The following PCED1B variants were observed in gnomAD, a reference collection of about 807,000 sequenced individuals.
PCED1B encodes PC-esterase domain containing 1B, also known as PC-esterase domain-containing protein 1B.
For synonymous variants in PCED1B, 251 were observed against 246.1 expected, an observed-to-expected ratio of 1.02 and a Z score of -0.19; for missense variants, 573 against 573.9, an observed-to-expected ratio of 1.00 and a Z score of 0.02.
chr12:47,103,096 C>G (rs375266244), intron 1 of PCED1B, among the ~76,000 whole-genome samples: 1 of 151,888 alleles, frequency 6.6e-6, no homozygotes. Context: ...AAACCAAGAA[C>G]AGAGTTTTAA....
chr12:47,177,423 C>G (rs1431078386), intron 2 of PCED1B, among the ~76,000 whole-genome samples: 1 of 152,154 alleles, frequency 6.6e-6, no homozygotes, highest in African/African-American at 2.4e-5. Flanking sequence ...CACATTCACC[C>G]CATTCCTCAC....
intron 2 of PCED1B, among the ~76,000 whole-genome samples, chr12:47,187,547 C>T (rs181003319): frequency 3.9e-5 from 6 of 152,212 alleles, no homozygotes; most frequent in Admixed American, 1.3e-4. Flanking sequence ...AAAGTGTAAA[C>T]AGTTAAATCC....
At chr12:47,166,426 G>A (rs1020525221) in intron 2 of PCED1B, among the ~76,000 whole-genome samples, 1 of 152,086 alleles carries the variant, frequency 6.6e-6, no homozygotes, top group Non-Finnish European at 1.5e-5. Context: ...AACTGGCTTT[G>A]TTTTTCTTTA....
Position 47,217,419 on chromosome 12 carries a change from C to G in PCED1B, c.-58+730C>G, listed in dbSNP as rs11183804. 3.6e-3 allele frequency among the ~76,000 whole-genome samples: 310 copies of G among 86,638 alleles called. 4 individuals are homozygous for G. Among genetic ancestry groups the G allele is most frequent in the Middle Eastern group, 0.016 (2 of 126 alleles). 56.8% of individuals were successfully genotyped at this position (86,638 alleles called of 152,430 possible). On this transcript the variant is annotated intron_variant, in intron 3 of 3. Coordinates refer to ENST00000546455, the MANE Select transcript of PCED1B (RefSeq NM_138371.3). ...AAAGAAACAGAGAGAGAGAGAGAGA[C>G]AGAGAAAGAAGAAAAAAAAAGAAAG...
intron 2 of PCED1B, among the ~76,000 whole-genome samples, chr12:47,183,558 C>G (rs1194992337): frequency 6.6e-6 from 1 of 152,122 alleles, no homozygotes; most frequent in East Asian, 1.9e-4. Context: ...TTAACCAGCA[C>G]TTCCCAAATA....
intron 2 of PCED1B, among the ~76,000 whole-genome samples, chr12:47,157,660 T>C (rs141761133): frequency 3.6e-4 from 55 of 152,314 alleles, no homozygotes; most frequent in African/African-American, 1.1e-3. Flanking sequence ...AAATGTATCA[T>C]CTTAACCATT....
rs117274345 is a variant in PCED1B at position 47,116,749 on chromosome 12, A to G, written c.-526+12554A>G. Among the ~76,000 whole-genome samples, 22 of 152,294 alleles carry G rather than the reference A, an allele frequency of 1.4e-4. No individual in the cohort carries two copies. In the East Asian group the frequency reaches 3.9e-3, roughly 27 times the overall value. ...TTTAATTTTTTCTTTATTCAGAACA[A>G]CATTAAGTAGCAAATAAAAAATACC... On this transcript the variant is annotated intron_variant, in intron 2 of 3. Coordinates refer to ENST00000546455, the MANE Select transcript of PCED1B (RefSeq NM_138371.3).
chr12:47,169,592 G>A (rs1332274569), intron 2 of PCED1B, among the ~76,000 whole-genome samples: 4 of 151,942 alleles, frequency 2.6e-5, no homozygotes, highest in Admixed American at 6.6e-5. Flanking sequence ...GACATATATC[G>A]TATATATTTC....
At chr12:47,168,571 TCTAATTTC>T (rs1438980160) in intron 2 of PCED1B, among the ~76,000 whole-genome samples, 7 of 152,164 alleles carry the variant, frequency 4.6e-5, no homozygotes, top group Non-Finnish European at 1.0e-4. Flanking sequence ...GTTTTCTTTT[TCTAATTTC>T]CTAAAGATGA....
intron 2 of PCED1B, among the ~76,000 whole-genome samples, chr12:47,122,104 T>C (rs1939705626): frequency 6.6e-6 from 1 of 151,862 alleles, no homozygotes; most frequent in African/African-American, 2.4e-5. Flanking sequence ...TTGGTCCTCA[T>C]GAAGTTATAA....
chr12:47,222,292 C>T (rs832716), intron 3 of PCED1B, among the ~76,000 whole-genome samples: 21,629 of 151,098 alleles, frequency 0.14, 3,358 homozygotes, highest in African/African-American at 0.39. Context: ...CGTGGTAGCA[C>T]GTGCCTGTAA....
chr12:47,165,343 T>C (rs980399033), intron 2 of PCED1B, among the ~76,000 whole-genome samples: 23 of 152,306 alleles, frequency 1.5e-4, no homozygotes, highest in African/African-American at 5.5e-4. Context: ...CAGCCAATAA[T>C]GAATGAATGA....
At chr12:47,117,364 C>G (rs1027063099) in intron 2 of PCED1B, among the ~76,000 whole-genome samples, 3 of 152,094 alleles carry the variant, frequency 2.0e-5, no homozygotes, top group Non-Finnish European at 1.5e-5. Context: ...CACCCCATGA[C>G]AGGCCCCAGT....
chr12:47,096,742 T>C (rs893286709), intron 1 of PCED1B, among the ~76,000 whole-genome samples: 4 of 152,184 alleles, frequency 2.6e-5, no homozygotes, highest in Non-Finnish European at 4.4e-5. Context: ...TTAATAATTA[T>C]CTGCTTTGGA....
chr12:47,112,268 C>G (rs1418008419), intron 2 of PCED1B, among the ~76,000 whole-genome samples: 3 of 152,224 alleles, frequency 2.0e-5, no homozygotes, highest in Non-Finnish European at 4.4e-5. Flanking sequence ...TTCTGCCAAA[C>G]TTGCATCAGG....
chr12:47,145,369 C>T (rs1940746343), intron 2 of PCED1B, among the ~76,000 whole-genome samples: 1 of 152,174 alleles, frequency 6.6e-6, no homozygotes, highest in Non-Finnish European at 1.5e-5. Context: ...GATGTAGAAG[C>T]TGCAGGATGT....
intron 1 of PCED1B, among the ~76,000 whole-genome samples, chr12:47,087,439 C>T (rs765276128): frequency 5.3e-5 from 8 of 152,158 alleles, no homozygotes; most frequent in Non-Finnish European, 1.2e-4. Context: ...AGTTCTAATG[C>T]TTCCCATTTA....
chr12:47,163,077 A>G (rs1213967358), intron 2 of PCED1B, among the ~76,000 whole-genome samples: 2 of 152,186 alleles, frequency 1.3e-5, no homozygotes, highest in Admixed American at 6.5e-5. Flanking sequence ...GATGTCTTCT[A>G]TTTATTGATG....
intron 2 of PCED1B, among the ~76,000 whole-genome samples, chr12:47,164,285 A>T (rs922178134): frequency 6.6e-6 from 1 of 152,108 alleles, no homozygotes; most frequent in African/African-American, 2.4e-5. Flanking sequence ...ATTTTTTTTT[A>T]AAACTTATTT....
Sources: gnomAD v4.1 joint callset for allele counts (sites outside exome capture counted in the v4.1 genomes callset) on GRCh38, gnomAD v4.1.1 for gene constraint, MANE v1.5 for transcripts, NCBI Gene and HGNC (gene_info 2026-07-23, HGNC 2026-07-21) for gene names.